S100PBP: variants seen among roughly 807,000 people sequenced by gnomAD.
S100PBP encodes the protein S100P binding protein.
In S100PBP, 15 loss-of-function variants were observed where a neutral mutation model predicts 39.9. That is an observed-to-expected ratio of 0.38 (90% confidence interval 0.25 to 0.58). The LOEUF (loss-of-function observed/expected upper bound fraction) is 0.58. Among genes scored for constraint, S100PBP ranks in the 20% least tolerant of loss-of-function variants. The probability of loss-of-function intolerance (pLI) is 0.70; values close to 1 mark genes in which losing one functional copy is unlikely to be tolerated. For missense variants in S100PBP, 504 were observed against 487.3 expected, an observed-to-expected ratio of 1.03 and a Z score of -0.32; for synonymous variants, 178 against 180.3, an observed-to-expected ratio of 0.99 and a Z score of 0.10.
At chr1:32,833,075 G>T (rs1453559088) in intron 5 of S100PBP, among the ~76,000 whole-genome samples, 5 of 151,858 alleles carry the variant, frequency 3.3e-5, no homozygotes, top group Non-Finnish European at 7.4e-5. Context: ...GAAATTATAA[G>T]TACTTAAAGT....
intron 1 of S100PBP, among the ~76,000 whole-genome samples, chr1:32,821,090 T>C (rs1333012265): frequency 1.3e-5 from 2 of 152,198 alleles, no homozygotes; most frequent in Non-Finnish European, 2.9e-5. Flanking sequence ...TTGCTATTTT[T>C]TTTTCCTTAT....
chr1:32,833,960 G>A (rs1639713116), intron 5 of S100PBP: 1 of 214,480 alleles, frequency 4.7e-6, no homozygotes, highest in Non-Finnish European at 1.1e-5. Context: ...ATTAGATTGT[G>A]TCCATTTTCA....
intron 5 of S100PBP, among the ~76,000 whole-genome samples, chr1:32,842,316 C>G (rs1204449451): frequency 6.9e-6 from 1 of 144,314 alleles, no homozygotes; most frequent in East Asian, 2.1e-4. Flanking sequence ...TATTCAATTG[C>G]TTCTTTACCA....
intron 5 of S100PBP, chr1:32,835,750 T>G (rs966453370): frequency 6.6e-5 from 10 of 152,096 alleles, no homozygotes; most frequent in African/African-American, 2.4e-4. Context: ...TTTTAAATAT[T>G]TTTATTTTTA....
At position 32,826,461 on chromosome 1, in the gene S100PBP, C is replaced by T. The variant is rs1476496950; in HGVS notation, c.362C>T (p.Thr121Ile). ...CTCTTCAAACTACCTCAGCTAAGTA[C>T]ATCAAGTGGTCATGGACCAGCTCAT... ...PDLFKLPQLSTSSGHGPAHTK... is the reference protein window; with the variant it reads ...PDLFKLPQLSISSGHGPAHTK... Residue 121 changes from threonine to isoleucine, a missense_variant, in exon 3 of 7, where the codon ACA becomes ATA. Thr to Ile is a moderately conservative substitution (Grantham distance 89). Transcript: ENST00000373475. The T allele has an allele frequency of 6.2e-6, 10 of 1,613,990 alleles. No individual in the cohort carries two copies. The highest frequency in any genetic ancestry group is 5.3e-5 in the African/African-American group (4 of 74,916).
At chr1:32,829,737 G>A (rs967158785) in intron 4 of S100PBP, among the ~76,000 whole-genome samples, 6 of 152,146 alleles carry the variant, frequency 3.9e-5, no homozygotes, top group Admixed American at 3.3e-4. Context: ...GGGATTACAG[G>A]TGTGAGCCAC....
chr1:32,854,710 C>A (rs140848406), intron 6 of S100PBP, among the ~76,000 whole-genome samples: 2 of 152,310 alleles, frequency 1.3e-5, no homozygotes, highest in East Asian at 1.9e-4. Flanking sequence ...CATCTCACAT[C>A]TTCCCATTCT....
chr1:32,844,621 C>T (rs1014041447), intron 5 of S100PBP, among the ~76,000 whole-genome samples: 2 of 151,998 alleles, frequency 1.3e-5, no homozygotes, highest in African/African-American at 4.8e-5. Context: ...CAGGCACGTG[C>T]CACTATGCCT....
chr1:32,829,439 T>C (rs1639491125), intron 4 of S100PBP, among the ~76,000 whole-genome samples: 1 of 152,168 alleles, frequency 6.6e-6, no homozygotes, highest in Non-Finnish European at 1.5e-5. Flanking sequence ...GTTGTATCTA[T>C]TTCCTTCTCT....
intron 5 of S100PBP, chr1:32,843,217 A>C (rs566511532): frequency 6.6e-6 from 1 of 152,304 alleles, no homozygotes; most frequent in East Asian, 1.9e-4. Flanking sequence ...GCAAATAAAG[A>C]AATTTTTACT....
At chr1:32,833,916 GTATTT>G (rs369801727) in intron 5 of S100PBP, 117 of 176,644 alleles carry the variant, frequency 6.6e-4, no homozygotes, top group African/African-American at 2.5e-3. Context: ...TGATTACAAA[GTATTT>G]TATTATATAA....
At chr1:32,819,219 G>A (rs1387883952) in intron 1 of S100PBP, among the ~76,000 whole-genome samples, 2 of 152,186 alleles carry the variant, frequency 1.3e-5, no homozygotes, top group African/African-American at 4.8e-5. Flanking sequence ...AGGATGGGGT[G>A]TAGAGGAACT....
chr1:32,846,658 T>G (rs190559337), intron 5 of S100PBP: 13 of 152,128 alleles, frequency 8.5e-5, no homozygotes, highest in Admixed American at 8.5e-4. Context: ...TAGGCTAGAG[T>G]GCAGTAACAT....
intron 1 of S100PBP, among the ~76,000 whole-genome samples, chr1:32,820,135 G>A (rs539625704): frequency 3.6e-4 from 47 of 128,804 alleles, no homozygotes; most frequent in African/African-American, 1.1e-3. Context: ...TTTTCCTACC[G>A]TTCCTATGCT....
intron 5 of S100PBP, among the ~76,000 whole-genome samples, chr1:32,842,204 CATATATATATATATATGTAT>C (rs1640134272): frequency 1.8e-5 from 1 of 56,352 alleles, no homozygotes; most frequent in Non-Finnish European, 3.3e-5. Context: ...AAAAAAAAAA[CATATATATATATATATGTAT>C]ATATATATAT....
At chr1:32,820,144 C>CTT (rs5773387) in intron 1 of S100PBP, among the ~76,000 whole-genome samples, 7,549 of 104,770 alleles carry the variant, frequency 0.072, 1,168 homozygotes, top group African/African-American at 0.15. Context: ...CGTTCCTATG[C>CTT]TTTTTTTTTT....
At chr1:32,829,157 G>T (rs1164059430) in intron 4 of S100PBP, among the ~76,000 whole-genome samples, 2 of 152,062 alleles carry the variant, frequency 1.3e-5, no homozygotes, top group Admixed American at 6.6e-5. Context: ...CACAACTCAG[G>T]CTACTTGGGA....
At chr1:32,824,489 A>G (rs1315296155) in intron 1 of S100PBP, among the ~76,000 whole-genome samples, 1 of 152,138 alleles carries the variant, frequency 6.6e-6, no homozygotes, top group Admixed American at 6.5e-5. Context: ...GAAAAGTAAA[A>G]TGATACAAAG....
intron 5 of S100PBP, among the ~76,000 whole-genome samples, chr1:32,848,487 A>G (rs916755978): frequency 1.3e-5 from 2 of 152,084 alleles, no homozygotes; most frequent in Admixed American, 6.6e-5. Flanking sequence ...TCACATTGAC[A>G]TTTCAAAGAA....
Sources: gnomAD v4.1 joint callset for allele counts (sites outside exome capture counted in the v4.1 genomes callset) on GRCh38, gnomAD v4.1.1 for gene constraint, MANE v1.5 for transcripts, NCBI Gene and HGNC (gene_info 2026-07-23, HGNC 2026-07-21) for gene names.